CCSER2: variants seen among roughly 807,000 people sequenced by gnomAD.
CCSER2 encodes the protein serine-rich coiled-coil domain-containing protein 2.
CCSER2 carries 46 observed loss-of-function variants against 92.3 expected under a neutral mutation model. The ratio of observed to expected loss-of-function variants is 0.50; its 90% CI spans 0.39 to 0.64. CCSER2 has a LOEUF of 0.64. Ranked by LOEUF, CCSER2 falls within the 30% of genes least tolerant of loss-of-function variation. CCSER2 has a pLI of 0.00. For synonymous variants in CCSER2, 433 were observed against 431.4 expected (o/e 1.00, Z -0.04); for missense variants, 1,244 against 1,238.9 (o/e 1.00, Z -0.06).
At chr10:84,494,828 C>T (rs892051107) in intron 9 of CCSER2, among the ~76,000 whole-genome samples, 17 of 152,176 alleles carry the variant, frequency 1.1e-4, no homozygotes, top group East Asian at 3.9e-4. Flanking sequence ...AATATATTAC[C>T]GGAAAGGGGT....
intron 6 of CCSER2, among the ~76,000 whole-genome samples, chr10:84,443,005 A>G (rs145822713): frequency 6.6e-6 from 1 of 152,328 alleles, no homozygotes; most frequent in African/African-American, 2.4e-5. Context: ...CTCGAGATGG[A>G]TTAAAGACTT....
At chr10:84,400,587 TG>T (rs1842067272) in intron 3 of CCSER2, among the ~76,000 whole-genome samples, 1 of 152,202 alleles carries the variant, frequency 6.6e-6, no homozygotes. Flanking sequence ...CTTTTGCCAT[TG>T]GTTGACAGTT....
chr10:84,372,760 C>T (rs367970048), intron 2 of CCSER2, among the ~76,000 whole-genome samples: 1 of 152,220 alleles, frequency 6.6e-6, no homozygotes, highest in East Asian at 1.9e-4. Context: ...AAATGACTTC[C>T]CCTGCTTACC....
At chr10:84,411,987 C>G (rs968078109) in intron 3 of CCSER2, among the ~76,000 whole-genome samples, 5 of 152,064 alleles carry the variant, frequency 3.3e-5, no homozygotes, top group African/African-American at 9.7e-5. Context: ...TGTTCCTTCA[C>G]TGCCTAGTTT....
rs1323510549 is a variant in CCSER2 at position 84,371,171 on chromosome 10, G to A, written c.119G>A (p.Gly40Glu). The change falls in exon 2 of 10, where the codon GGA (glycine) becomes GAA (glutamate). Residue 40 changes from glycine to glutamate, a missense_variant. Transcript: ENST00000372088. ...AATGGGACACCTGTTAATTTATTAGGAACTTCCAAGAATAGTAATGTCAAA... is the reference window on the plus strand; with the variant it reads ...AATGGGACACCTGTTAATTTATTAGAAACTTCCAAGAATAGTAATGTCAAA... ...MPNGTPVNLL[G>E]TSKNSNVKSY... 1 of 1,613,410 alleles carries A rather than the reference G, an allele frequency of 6.2e-7. No homozygotes were observed.
rs200282890 is a variant in CCSER2, at chr10:84,458,955, TG to T, written c.2065-4977del. On this transcript the variant is annotated intron_variant, in intron 6 of 9. Coordinates refer to ENST00000372088, the MANE Select transcript of CCSER2 (RefSeq NM_001284240.2). The stretch of plus-strand genomic sequence containing the variant: ...TTGTTTGCCATACACAGTTGATTTT[TG>T]TATATTGACCTTGTATCCTGTGATT... 2.9e-3 allele frequency among the ~76,000 whole-genome samples: 436 copies of T among 152,290 alleles called. 4 individuals are homozygous for T. The highest frequency in any genetic ancestry group is 1.0e-2 in the African/African-American group (414 of 41,566).
intron 6 of CCSER2, among the ~76,000 whole-genome samples, chr10:84,459,313 C>T (rs1845959250): frequency 6.6e-6 from 1 of 152,118 alleles, no homozygotes; most frequent in Admixed American, 6.6e-5. Context: ...ACTTTCTACA[C>T]CATACATTCT....
At chr10:84,378,530 G>T (rs963998712) in intron 3 of CCSER2, among the ~76,000 whole-genome samples, 2 of 150,298 alleles carry the variant, frequency 1.3e-5, no homozygotes, top group Admixed American at 6.7e-5. Flanking sequence ...TGCCTCCCAG[G>T]TTCAAGCGTT....
chr10:84,486,998 G>A (rs1847847115), intron 9 of CCSER2, among the ~76,000 whole-genome samples: 1 of 152,104 alleles, frequency 6.6e-6, no homozygotes, highest in African/African-American at 2.4e-5. Flanking sequence ...TATTAAATAG[G>A]GAATCCTTTC....
rs534555703 is a variant in CCSER2, at chr10:84,517,674, C to A, written c.*3407C>A. 6 of 152,738 alleles carry A rather than the reference C, an allele frequency of 3.9e-5. No homozygotes were observed. In the East Asian group the frequency reaches 1.2e-3, roughly 29 times the overall value. 9.5% of individuals were successfully genotyped at this position (152,738 alleles called of 1,614,324 possible). On this transcript the variant is annotated 3_prime_UTR_variant, in exon 10 of 10. Transcript: ENST00000372088. ...TCACAGAAATATATTCCCAGCATGT[C>A]ACTTTTCCATTAAAGCACTAAGTTT... is the stretch of plus-strand genomic sequence containing the variant.
At chr10:84,422,490 C>G (rs1843198890) in intron 4 of CCSER2, among the ~76,000 whole-genome samples, 1 of 152,056 alleles carries the variant, frequency 6.6e-6, no homozygotes, top group African/African-American at 2.4e-5. Flanking sequence ...ACACTTTTTT[C>G]TTCTTTATTT....
At chr10:84,414,692 C>A (rs1023288870) in intron 3 of CCSER2, among the ~76,000 whole-genome samples, 1 of 151,902 alleles carries the variant, frequency 6.6e-6, no homozygotes, top group Non-Finnish European at 1.5e-5. Context: ...TGAATGTTGG[C>A]CTGTCTTGCT....
At chr10:84,396,556 C>T (rs958374453) in intron 3 of CCSER2, among the ~76,000 whole-genome samples, 2 of 151,990 alleles carry the variant, frequency 1.3e-5, no homozygotes, top group East Asian at 1.9e-4. Context: ...CTGCCCACAT[C>T]GTGGTTTATT....
intron 1 of CCSER2, among the ~76,000 whole-genome samples, chr10:84,347,367 C>G (rs1004283884): frequency 1.3e-5 from 2 of 148,206 alleles, no homozygotes; most frequent in Non-Finnish European, 3.0e-5. Context: ...GCAGAGGTGC[C>G]CCCCCACCTC....
chr10:84,499,544 T>G (rs893907993), intron 9 of CCSER2, among the ~76,000 whole-genome samples: 5 of 152,168 alleles, frequency 3.3e-5, no homozygotes, highest in Non-Finnish European at 4.4e-5. Context: ...AATTCCTTCT[T>G]TTTCTGCAAA....
intron 3 of CCSER2, among the ~76,000 whole-genome samples, chr10:84,385,092 T>C (rs7477498): frequency 0.21 from 31,747 of 151,450 alleles, 3,571 homozygotes; most frequent in Admixed American, 0.34. Flanking sequence ...GTACAAAACA[T>C]TGATGAAAGA....
chr10:84,398,165 C>A (rs1250270540), intron 3 of CCSER2, among the ~76,000 whole-genome samples: 1 of 152,170 alleles, frequency 6.6e-6, no homozygotes, highest in Non-Finnish European at 1.5e-5. Flanking sequence ...CCTGTCTTTT[C>A]CACCTTCTAA....
chr10:84,464,126 G>T (rs188066015), intron 7 of CCSER2, 110 bp downstream of exon 7: 276 of 565,948 alleles, frequency 4.9e-4, no homozygotes, highest in Middle Eastern at 1.4e-3. Flanking sequence ...AAAGCATCAG[G>T]TTTGTTCTTA....
chr10:84,444,481 G>A (rs1300016695), intron 6 of CCSER2, among the ~76,000 whole-genome samples: 1 of 152,062 alleles, frequency 6.6e-6, no homozygotes, highest in Non-Finnish European at 1.5e-5. Flanking sequence ...GGTAATATTG[G>A]CTTCACCCTC....
Sources: allele counts gnomAD v4.1 joint callset (sites outside exome capture counted in the v4.1 genomes callset), GRCh38; gene constraint gnomAD v4.1.1; transcripts MANE v1.5; gene names NCBI Gene and HGNC (gene_info 2026-07-23, HGNC 2026-07-21).